The following ANKS6 variants were observed in gnomAD, a reference collection of about 807,000 sequenced individuals.
The protein encoded by ANKS6 is ankyrin repeat and sterile alpha motif domain containing 6.
ANKS6 carries 47 observed loss-of-function variants against 77.9 expected under a neutral mutation model. The observed-to-expected ratio is 0.60, with a 90% CI of 0.48 to 0.77. ANKS6 has a LOEUF of 0.77. Among genes scored for constraint, ANKS6 ranks in the 30% least tolerant of loss-of-function variants. ANKS6 has a pLI of 0.00. For synonymous variants in ANKS6, 488 were observed against 501.7 expected, an observed-to-expected ratio of 0.97 and a Z score of 0.37; for missense variants, 1,150 against 1,159.1, an observed-to-expected ratio of 0.99 and a Z score of 0.11.
chr9:98,766,233 G>A (rs1430428862), intron 11 of ANKS6, among the ~76,000 whole-genome samples: 2 of 152,120 alleles, frequency 1.3e-5, no homozygotes, highest in Non-Finnish European at 2.9e-5. Context: ...CCTTTCATGA[G>A]AATATACTTA....
intron 14 of ANKS6, among the ~76,000 whole-genome samples, chr9:98,744,786 T>A (rs1832028319): frequency 6.6e-6 from 1 of 152,034 alleles, no homozygotes; most frequent in South Asian, 2.1e-4. Context: ...GGCATGAGAC[T>A]ACTGTTCAAC....
At chr9:98,771,615 C>G (rs1268862156) in intron 9 of ANKS6, among the ~76,000 whole-genome samples, 2 of 152,190 alleles carry the variant, frequency 1.3e-5, no homozygotes, top group African/African-American at 4.8e-5. Flanking sequence ...CCAGGCACAC[C>G]AACCTCCTTT....
chr9:98,795,085 T>C, intron 1 of ANKS6, among the ~76,000 whole-genome samples: 1 of 152,100 alleles, frequency 6.6e-6, no homozygotes, highest in South Asian at 2.1e-4. Flanking sequence ...GATCTCTAGA[T>C]GCCATCCTTG....
chr9:98,785,331 T>C (rs935554694), intron 2 of ANKS6, among the ~76,000 whole-genome samples: 9 of 152,096 alleles, frequency 5.9e-5, no homozygotes, highest in Admixed American at 2.6e-4. Flanking sequence ...TCTAAGGAAG[T>C]TCACAGCCAC....
At chr9:98,736,690 C>T in intron 14 of ANKS6, 67 bp from the exon 15 acceptor site, 1 of 1,519,928 alleles carries the variant, frequency 6.6e-7, no homozygotes, top group Non-Finnish European at 8.9e-7. Context: ...ATTCAATTGA[C>T]ACAGTGTTGT....
Position 98,789,928 on chromosome 9 carries a change from C to A in ANKS6, c.862+176G>T, listed in dbSNP as rs551541301. ...CACTCTGCAGAGAGTGGGCCCAGAACCTGCATGTCACAGGCAATCCCCCCG... is the reference window on the plus strand; with the variant it reads ...CACTCTGCAGAGAGTGGGCCCAGAAACTGCATGTCACAGGCAATCCCCCCG... On this transcript the variant is annotated intron_variant, in intron 2 of 14. Coordinates refer to ENST00000353234, the MANE Select transcript of ANKS6 (RefSeq NM_173551.5). 355 of 955,858 alleles carry A rather than the reference C, an allele frequency of 3.7e-4. 2 individuals carry two copies. The South Asian group carries it at 8.4e-3, about 23-fold the overall frequency. The allele number at this position is 955,858 out of a possible 1,614,324, so 59.2% of individuals were successfully genotyped here. A position where few individuals can be genotyped will look rare whatever the true frequency, so the allele number is the denominator to read the frequency against.
chr9:98,736,351 A>C lies in ANKS6; in HGVS notation c.*168T>G. On this transcript the variant is annotated 3_prime_UTR_variant, in exon 15 of 15. Coordinates refer to ENST00000353234, the MANE Select transcript of ANKS6 (RefSeq NM_173551.5). Reference sequence around the variant, plus strand: ...GTCTCTGTGTGTTGAAGTTTGTTGCAGCAAGAAGTACTACCAATGAATGCC... The same window carrying C: ...GTCTCTGTGTGTTGAAGTTTGTTGCCGCAAGAAGTACTACCAATGAATGCC... 7.0e-7 allele frequency: 1 copy of C among 1,425,206 alleles called. No homozygotes were observed. Among genetic ancestry groups the C allele is most frequent in the South Asian group, 1.5e-5 (1 of 65,060 alleles). 88.3% of individuals were successfully genotyped at this position (1,425,206 alleles called of 1,614,324 possible).
At chr9:98,796,057 CG>C (rs1835156329) in intron 1 of ANKS6, 75 bp downstream of exon 1, 1 of 1,248,588 alleles carries the variant, frequency 8.0e-7, no homozygotes, top group Non-Finnish European at 1.0e-6. Context: ...CCGGGGCATC[CG>C]GCCGCCGGGG....
intron 1 of ANKS6, among the ~76,000 whole-genome samples, chr9:98,790,999 G>A (rs1270033293): frequency 1.3e-5 from 2 of 152,240 alleles, no homozygotes; most frequent in African/African-American, 2.4e-5. Flanking sequence ...GTTAGCGATT[G>A]TTAGGTATTA....
chr9:98,736,015 C>T lies in ANKS6; in HGVS notation c.*504G>A. On this transcript the variant is annotated 3_prime_UTR_variant, in exon 15 of 15. Coordinates refer to ENST00000353234, the MANE Select transcript of ANKS6 (RefSeq NM_173551.5). ...CATAATACATACCCCCCATCTAAGTCAAAAGTTGTTGCTGGGAAGCCACTA... is the reference window on the plus strand; with the variant it reads ...CATAATACATACCCCCCATCTAAGTTAAAAGTTGTTGCTGGGAAGCCACTA... The T allele has an allele frequency of 1.7e-6, 2 of 1,210,904 alleles. No individual in the cohort carries two copies. Among genetic ancestry groups the T allele is most frequent in the Non-Finnish European group, 2.1e-6 (2 of 975,356 alleles). The allele number at this position is 1,210,904 out of a possible 1,614,324, so 75.0% of individuals were successfully genotyped here.
chr9:98,786,104 G>A (rs560056824), intron 2 of ANKS6, among the ~76,000 whole-genome samples: 10 of 151,984 alleles, frequency 6.6e-5, no homozygotes, highest in African/African-American at 1.7e-4. Context: ...TCAGCCTCCC[G>A]AGTAGCTGGG....
chr9:98,758,324 CTT>C (rs35699060), intron 11 of ANKS6, among the ~76,000 whole-genome samples: 5 of 134,832 alleles, frequency 3.7e-5, no homozygotes, highest in East Asian at 2.3e-4. Flanking sequence ...CGCCATCTTT[CTT>C]TTTTTTTTTT....
At chr9:98,780,716 TA>T (rs1417032299) in intron 5 of ANKS6, among the ~76,000 whole-genome samples, 3 of 152,188 alleles carry the variant, frequency 2.0e-5, no homozygotes, top group Non-Finnish European at 4.4e-5. Flanking sequence ...GTGACATTAA[TA>T]CCCACCACAT....
chr9:98,784,120 G>A lies in ANKS6; in HGVS notation c.945C>T (p.Asp315=). 1 of 1,564,008 alleles carries A rather than the reference G, an allele frequency of 6.4e-7. No homozygotes were observed. The highest frequency in any genetic ancestry group is 1.2e-5 in the South Asian group (1 of 85,104). The change falls in exon 4 of 15, where the codon GAC becomes GAT. Residue 315 remains aspartate, a synonymous_variant. Transcript: ENST00000353234. The part of the protein sequence containing the change: ...FQLVKEIADE[D]PSHVNLVNGD... The stretch of plus-strand genomic sequence containing the variant: ...CATTGACCAAGTTCACGTGGCTGGG[G>A]TCTTCATCGGCAATCTCTTTGACCA...
At chr9:98,773,400 C>G (rs76189058) in intron 9 of ANKS6, among the ~76,000 whole-genome samples, 68 of 152,346 alleles carry the variant, frequency 4.5e-4, no homozygotes, top group African/African-American at 1.6e-3. Flanking sequence ...ATTTCAGAAA[C>G]AGACCAAGAG....
At chr9:98,739,690 C>T (rs1399483614) in intron 14 of ANKS6, among the ~76,000 whole-genome samples, 1 of 151,812 alleles carries the variant, frequency 6.6e-6, no homozygotes, top group African/African-American at 2.4e-5. Flanking sequence ...CACATTTCCC[C>T]AACAGACCCT....
At chr9:98,782,728 G>A (rs999254063) in intron 4 of ANKS6, among the ~76,000 whole-genome samples, 155 bp from the exon 5 acceptor site, 2 of 152,168 alleles carry the variant, frequency 1.3e-5, no homozygotes, top group Non-Finnish European at 2.9e-5. Context: ...TCCCTAGCAC[G>A]TGGGCAGGTC....
chr9:98,782,526 G>A lies in ANKS6; in HGVS notation c.1160C>T (p.Thr387Ile), dbSNP rs375561154. The change falls in exon 5 of 15, where the codon ACT becomes ATT. Residue 387 changes from threonine (T) to isoleucine (I), a missense_variant. Transcript: ENST00000353234. The stretch of plus-strand genomic sequence containing the variant: ...CGTGTATCCATTTTTTGCACGAAGA[G>A]TGACATCGGCCCCTTGGTTTAGCAG... ...KYLLNQGADV[T>I]LRAKNGYTAF... 27 of 1,614,034 alleles carry A rather than the reference G, an allele frequency of 1.7e-5. No homozygotes were observed. The highest frequency in any genetic ancestry group is 2.0e-5 in the Non-Finnish European group (24 of 1,180,022).
At position 98,733,209 on chromosome 9, in the gene ANKS6, T is replaced by C. The variant is rs928707927; in HGVS notation, c.*3310A>G. The stretch of plus-strand genomic sequence containing the variant: ...AGTAAACGTTCGGTAAACAAAAGAA[T>C]TAAAAAATAAACAATCTCCTCACAA... On this transcript the variant is annotated 3_prime_UTR_variant, in exon 15 of 15. Transcript: ENST00000353234. The C allele has an allele frequency of 3.0e-6, 3 of 985,300 alleles. No homozygotes were observed. Among genetic ancestry groups the C allele is most frequent in the Non-Finnish European group, 3.6e-6 (3 of 829,886 alleles). The allele number at this position is 985,300 out of a possible 1,614,324, so 61.0% of individuals were successfully genotyped here. A position where few individuals can be genotyped will look rare whatever the true frequency, so the allele number is the denominator to read the frequency against.
Sources: allele counts gnomAD v4.1 joint callset (sites outside exome capture counted in the v4.1 genomes callset), GRCh38; gene constraint gnomAD v4.1.1; transcripts MANE v1.5; gene names NCBI Gene and HGNC (gene_info 2026-07-23, HGNC 2026-07-21).